Variants in LRRC37A2 observed in about 807,000 individuals in gnomAD.
LRRC37A2 encodes leucine rich repeat containing 37 member A2.
A neutral mutation model predicts 68.8 loss-of-function variants in LRRC37A2; 9 were observed. The ratio of observed to expected loss-of-function variants is 0.13; its 90% CI spans 0.08 to 0.23. LRRC37A2 has a LOEUF of 0.23. Among genes scored for constraint, LRRC37A2 ranks in the 10% least tolerant of loss-of-function variants. LRRC37A2 has a pLI of 1.00. For synonymous variants in LRRC37A2, 63 were observed against 367.6 expected (o/e 0.17, Z 9.48); for missense variants, 168 against 950.4 (o/e 0.18, Z 10.82).
chr17:46,956,723 G>A, the LRRC37A2 span, among the ~76,000 whole-genome samples: 1 of 152,186 alleles, frequency 6.6e-6, no homozygotes, highest in Non-Finnish European at 1.5e-5. Flanking sequence ...ACTGTCTCGT[G>A]GCTCCTGTTG....
chr17:46,820,035 C>T, the LRRC37A2 span, among the ~76,000 whole-genome samples: 2 of 152,316 alleles, frequency 1.3e-5, no homozygotes, highest in African/African-American at 4.8e-5. Flanking sequence ...ATGAGCCGAC[C>T]CGAGTCCCAC....
chr17:46,814,657 C>T, the LRRC37A2 span, among the ~76,000 whole-genome samples: 1 of 152,254 alleles, frequency 6.6e-6, no homozygotes, highest in Non-Finnish European at 1.5e-5. Context: ...GCCAGCCCAG[C>T]CCCAGCGAGC....
the LRRC37A2 span, among the ~76,000 whole-genome samples, chr17:46,808,164 G>A: frequency 7.2e-5 from 11 of 152,320 alleles, no homozygotes; most frequent in African/African-American, 1.4e-4. Context: ...ACTGAGGCCC[G>A]GGAGGCAGTG....
chr17:46,899,756 AG>A, the LRRC37A2 span, among the ~76,000 whole-genome samples: 1 of 152,142 alleles, frequency 6.6e-6, no homozygotes, highest in Non-Finnish European at 1.5e-5. Flanking sequence ...ATATTTTAAT[AG>A]GGTGAACTTT....
the LRRC37A2 span, chr17:46,923,608 T>G: frequency 2.4e-6 from 3 of 1,263,288 alleles, no homozygotes. Flanking sequence ...GCCGTAGGAG[T>G]GTACTGTTTA....
At chr17:46,773,582 G>A in the LRRC37A2 span, 16 of 1,412,004 alleles carry the variant, frequency 1.1e-5, no homozygotes, top group African/African-American at 2.3e-4. Flanking sequence ...TCAGAGAAGA[G>A]GCACCCTGAC....
At chr17:46,993,288 C>G in the LRRC37A2 span, among the ~76,000 whole-genome samples, 1 of 152,238 alleles carries the variant, frequency 6.6e-6, no homozygotes, top group Non-Finnish European at 1.5e-5. Context: ...CCAACAGAGG[C>G]AGATCCCAGG....
the LRRC37A2 span, among the ~76,000 whole-genome samples, chr17:46,806,833 C>A: frequency 6.6e-6 from 1 of 152,264 alleles, no homozygotes; most frequent in East Asian, 1.9e-4. Flanking sequence ...CCGCTCCCCT[C>A]TGCTCCTCCT....
the LRRC37A2 span, among the ~76,000 whole-genome samples, chr17:46,772,151 C>T: frequency 6.6e-6 from 1 of 152,154 alleles, no homozygotes; most frequent in Admixed American, 6.5e-5. Context: ...GTTCAAGGTC[C>T]GGGCTCTGGG....
chr17:46,762,665 T>C, the LRRC37A2 span: 1 of 151,776 alleles, frequency 6.6e-6, no homozygotes, highest in Non-Finnish European at 1.5e-5. Flanking sequence ...AAAGAGACTT[T>C]TTGAATATAA....
the LRRC37A2 span, among the ~76,000 whole-genome samples, chr17:46,990,826 A>G: frequency 6.6e-6 from 1 of 151,994 alleles, no homozygotes; most frequent in Non-Finnish European, 1.5e-5. Context: ...ATGCACCACC[A>G]CACCCAGCTA....
chr17:46,899,357 A>G, the LRRC37A2 span, among the ~76,000 whole-genome samples: 754 of 152,312 alleles, frequency 5.0e-3, 8 homozygotes, highest in African/African-American at 0.017. Flanking sequence ...GTGAGCCAAT[A>G]TGATGCCACT....
the LRRC37A2 span, chr17:46,773,652 A>ACC: frequency 3.1e-6 from 1 of 320,208 alleles, no homozygotes; most frequent in Non-Finnish European, 4.5e-6. Flanking sequence ...CCCCCCCCTC[A>ACC]GCCCCAAGGC....
At chr17:46,494,765 T>G in the LRRC37A2 span, among the ~76,000 whole-genome samples, 1 of 151,366 alleles carries the variant, frequency 6.6e-6, no homozygotes, top group East Asian at 1.9e-4. Context: ...CAGTGTGTAA[T>G]GATCAAATCA....
the LRRC37A2 span, chr17:46,769,666 A>G: frequency 1.4e-6 from 2 of 1,407,162 alleles, no homozygotes; most frequent in Non-Finnish European, 1.9e-6. Context: ...GGCCAAGGGG[A>G]AAAGGAGCCC....
chr17:46,541,670 G>T (rs1380669329), intron 8 of LRRC37A2, among the ~76,000 whole-genome samples: 1 of 149,766 alleles, frequency 6.7e-6, no homozygotes, highest in Non-Finnish European at 1.5e-5. Context: ...CCATGGATGG[G>T]GAATATTTGG....
chr17:46,908,992 A>G, the LRRC37A2 span, among the ~76,000 whole-genome samples: 9 of 152,278 alleles, frequency 5.9e-5, no homozygotes, highest in African/African-American at 2.2e-4. Context: ...CATCCAAGGC[A>G]GCTCTGCCTT....
At chr17:46,796,264 G>A in the LRRC37A2 span, among the ~76,000 whole-genome samples, 2 of 152,226 alleles carry the variant, frequency 1.3e-5, no homozygotes, top group Admixed American at 6.5e-5. Flanking sequence ...ACAGTCCCTG[G>A]CACATAGTAG....
chr17:46,938,884 T>C, the LRRC37A2 span: 8 of 1,550,926 alleles, frequency 5.2e-6, no homozygotes, highest in African/African-American at 1.1e-4. Context: ...GTGAAGACAC[T>C]TGGGAGTGAT....
Sources: gnomAD v4.1 joint callset for allele counts (sites outside exome capture counted in the v4.1 genomes callset) on GRCh38, gnomAD v4.1.1 for gene constraint, MANE v1.5 for transcripts, NCBI Gene and HGNC (gene_info 2026-07-23, HGNC 2026-07-21) for gene names.